RTL9: variants seen among roughly 807,000 people sequenced by gnomAD.
RTL9 encodes the protein retrotransposon Gag like 9, also known as retrotransposon Gag-like protein 9.
RTL9 carries 19 observed loss-of-function variants against 44.7 expected under a neutral mutation model. The ratio of observed to expected loss-of-function variants is 0.42; its 90% CI spans 0.30 to 0.62. The LOEUF is 0.62. Among genes scored for constraint, RTL9 ranks in the 20% least tolerant of loss-of-function variants. The probability of loss-of-function intolerance (pLI) is 0.16; values close to 1 mark genes in which losing one functional copy is unlikely to be tolerated. For synonymous variants in RTL9, 407 were observed against 398.9 expected (o/e 1.02, Z -0.24); for missense variants, 1,105 against 1,080.6 (o/e 1.02, Z -0.32).
At chrX:110,445,631 A>G (rs1266791487), upstream of RTL9, among the ~76,000 whole-genome samples, 1 of 111,947 alleles carries the variant, frequency 8.9e-6, no homozygotes, top group Non-Finnish European at 1.9e-5. Flanking sequence ...ACTTGGGGAA[A>G]GAATATTGTT....
At chrX:110,438,310 GA>G (rs1285266892) in intron 1 of RTL9, among the ~76,000 whole-genome samples, 1 of 111,900 alleles carries the variant, frequency 8.9e-6, no homozygotes, top group Admixed American at 9.5e-5. Flanking sequence ...CTTGGGAGCG[GA>G]TGGAGAGATT....
chrX:110,385,374 T>C (rs1486106270), intron 1 of RTL9, among the ~76,000 whole-genome samples: 1 of 111,654 alleles, frequency 9.0e-6, no homozygotes, highest in East Asian at 2.8e-4. Context: ...TCTCAATAAA[T>C]TCACCTATTT....
chrX:110,452,996 G>A (rs900064024), exon 1 of RTL9: 1 of 1,211,442 alleles, frequency 8.3e-7, no homozygotes, highest in Non-Finnish European at 1.1e-6. Context: ...CTGGAGAGAT[G>A]TCCCTACCAC....
At chrX:110,365,173 T>C (rs1439532118) in intron 1 of RTL9, among the ~76,000 whole-genome samples, 2 of 111,832 alleles carry the variant, frequency 1.8e-5, no homozygotes, top group Non-Finnish European at 3.8e-5. Context: ...GTCCACTGAG[T>C]GACACCTGGG....
chrX:110,443,487 A>G (rs774241669), intron 1 of RTL9, among the ~76,000 whole-genome samples: 8 of 112,376 alleles, frequency 7.1e-5, no homozygotes, highest in African/African-American at 2.3e-4. Flanking sequence ...AGTACTGTGT[A>G]CTGTGCTACC....
intron 1 of RTL9, among the ~76,000 whole-genome samples, 188 bp from the exon 2 acceptor site, chrX:110,444,965 G>A (rs899154682): frequency 1.8e-5 from 2 of 112,311 alleles, no homozygotes; most frequent in Non-Finnish European, 3.8e-5. Context: ...CTTCAGACCG[G>A]CACCTAATGC....
chrX:110,409,599 C>T lies in RTL9; in HGVS notation c.-167-35554C>T, dbSNP rs1335477065. ...CCATTAGGATCTCAGGCTGTCTTGG[C>T]CTTCAGGCAGATCCAGCTCCCCCAT... is the stretch of plus-strand genomic sequence containing the variant. On this transcript the variant is annotated intron_variant, in intron 1 of 2. Coordinates refer to the RTL9 transcript ENST00000520821. 1.7e-4 allele frequency among the ~76,000 whole-genome samples: 19 copies of T among 110,573 alleles called. No homozygotes were observed. In the Admixed American group the frequency reaches 1.8e-3, roughly 11 times the overall value.
At chrX:110,392,882 G>A (rs1405842845) in intron 1 of RTL9, among the ~76,000 whole-genome samples, 5 of 112,041 alleles carry the variant, frequency 4.5e-5, no homozygotes, top group Admixed American at 2.8e-4. Flanking sequence ...AAGATTTGAT[G>A]GTATGTATAT....
At chrX:110,414,955 A>G (rs1256693019), upstream of RTL9, among the ~76,000 whole-genome samples, 4 of 112,154 alleles carry the variant, frequency 3.6e-5, no homozygotes, top group Non-Finnish European at 7.5e-5. Context: ...TGAAGAAAGA[A>G]GAAAGCATAT....
intron 1 of RTL9, among the ~76,000 whole-genome samples, chrX:110,360,328 G>T (rs1024057941): frequency 4.5e-5 from 5 of 111,636 alleles, no homozygotes; most frequent in African/African-American, 1.6e-4. Context: ...TTTATTCTGT[G>T]GACCTACAGA....
intron 1 of RTL9, among the ~76,000 whole-genome samples, chrX:110,410,454 A>G (rs770498359): frequency 8.9e-6 from 1 of 112,610 alleles, no homozygotes; most frequent in South Asian, 3.7e-4. Flanking sequence ...TAGAAAGCCA[A>G]GTGAAATAAT....
chrX:110,412,272 A>G (rs1352686042), intron 1 of RTL9, among the ~76,000 whole-genome samples: 5 of 112,630 alleles, frequency 4.4e-5, no homozygotes, highest in Non-Finnish European at 9.4e-5. Context: ...TTCCTGTCTT[A>G]GGAGTTTACC....
intron 1 of RTL9, among the ~76,000 whole-genome samples, chrX:110,362,142 AAT>A (rs1335591083): frequency 3.6e-5 from 4 of 111,334 alleles, no homozygotes; most frequent in Non-Finnish European, 7.6e-5. Flanking sequence ...TGGAATAAAA[AAT>A]ATATATATAT....
chrX:110,418,538 G>A (rs751676336), upstream of RTL9, among the ~76,000 whole-genome samples: 16 of 111,818 alleles, frequency 1.4e-4, no homozygotes, highest in Admixed American at 4.7e-4. Context: ...CAAGGAACAT[G>A]AACGAGAGGA....
intron 1 of RTL9, among the ~76,000 whole-genome samples, chrX:110,381,143 GGCA>G: frequency 8.9e-6 from 1 of 111,773 alleles, no homozygotes; most frequent in Middle Eastern, 4.6e-3. Flanking sequence ...AATATCGACA[GGCA>G]CCCTACAGAA....
At chrX:110,432,261 C>T (rs755092434) in intron 1 of RTL9, among the ~76,000 whole-genome samples, 58 of 112,410 alleles carry the variant, frequency 5.2e-4, no homozygotes, top group Non-Finnish European at 9.4e-4. Flanking sequence ...TTCATCTCCT[C>T]CTCTCTACCC....
exon 1 of RTL9, chrX:110,451,494 G>A (rs1392008071): frequency 8.3e-7 from 1 of 1,211,769 alleles, no homozygotes; most frequent in Non-Finnish European, 1.1e-6. Context: ...AAACTCTGGG[G>A]GAATACCTAC....
chrX:110,450,279 T>C (rs1287913309), upstream of RTL9, among the ~76,000 whole-genome samples: 1 of 111,670 alleles, frequency 9.0e-6, no homozygotes, highest in Non-Finnish European at 1.9e-5. Context: ...GTGCTGCTGC[T>C]TTATTTGAGT....
chrX:110,432,530 A>G (rs2068805108), intron 1 of RTL9, among the ~76,000 whole-genome samples: 1 of 111,859 alleles, frequency 8.9e-6, no homozygotes, highest in South Asian at 3.8e-4. Context: ...TCAGGAGTGT[A>G]CATGCATGTG....
Sources: allele counts gnomAD v4.1 joint callset (sites outside exome capture counted in the v4.1 genomes callset), GRCh38; gene constraint gnomAD v4.1.1; transcripts MANE v1.5; gene names NCBI Gene and HGNC (gene_info 2026-07-23, HGNC 2026-07-21).